ZNF407: variants seen among roughly 807,000 people sequenced by gnomAD.
The protein encoded by ZNF407 is zinc finger protein 407.
Under a neutral mutation model 131.2 loss-of-function variants are expected in ZNF407, and 17 were observed. The observed-to-expected ratio is 0.13, with a 90% CI of 0.09 to 0.19. ZNF407 has a LOEUF of 0.19. Ranked by LOEUF, ZNF407 falls within the 10% of genes least tolerant of loss-of-function variation. ZNF407 has a pLI of 1.00. For missense variants in ZNF407, 2,681 were observed against 2,830.6 expected, an observed-to-expected ratio of 0.95 and a Z score of 1.20; for synonymous variants, 1,156 against 1,062.0, an observed-to-expected ratio of 1.09 and a Z score of -1.72.
intron 8 of ZNF407, among the ~76,000 whole-genome samples, chr18:74,945,409 C>T (rs1039004467): frequency 1.5e-4 from 23 of 152,174 alleles, no homozygotes; most frequent in African/African-American, 5.1e-4. Context: ...TTGTTTTTCC[C>T]TCCCTTGCAG....
intron 3 of ZNF407, among the ~76,000 whole-genome samples, chr18:74,667,112 C>G (rs548419805): frequency 6.6e-6 from 1 of 152,280 alleles, no homozygotes; most frequent in South Asian, 2.1e-4. Flanking sequence ...GTTCAAATGT[C>G]TTGAACTGTT....
chr18:74,837,045 T>C (rs1049846523), intron 4 of ZNF407, among the ~76,000 whole-genome samples: 1 of 152,220 alleles, frequency 6.6e-6, no homozygotes, highest in Non-Finnish European at 1.5e-5. Flanking sequence ...GTCATTTTCC[T>C]GAGGATAAAT....
chr18:74,688,700 T>C (rs1292696107), intron 3 of ZNF407, among the ~76,000 whole-genome samples: 2 of 152,170 alleles, frequency 1.3e-5, no homozygotes, highest in Admixed American at 6.5e-5. Context: ...TTTTTGAAAA[T>C]GTTGTGTGAA....
chr18:74,949,690 CCTTAAAGG>C (rs778001139), intron 8 of ZNF407, among the ~76,000 whole-genome samples: 8 of 151,970 alleles, frequency 5.3e-5, no homozygotes, highest in Non-Finnish European at 1.0e-4. Flanking sequence ...AAGCCTGAAT[CCTTAAAGG>C]TTATTTTTTA....
chr18:74,635,113 A>C lies in ZNF407; in HGVS notation c.4094A>C (p.Asn1365Thr). ...GACTCCTCCATAATAAGAATAAAGAACCCTGAAGATGGTGAGTTGATAGAC... is the reference window on the plus strand; with the variant it reads ...GACTCCTCCATAATAAGAATAAAGACCCCTGAAGATGGTGAGTTGATAGAC... ...RFDSSIIRIK[N>T]PEDGELIDQS... Residue 1365 changes from asparagine to threonine, a missense_variant, in exon 2 of 9, where the codon AAC (asparagine) becomes ACC (threonine). By Grantham distance (65) the Asn-to-Thr change is moderately conservative. Around this residue, in one of 6 missense-constraint regions of ZNF407, gnomAD observed 1,789 missense variants for 1,748.7 expected, o/e 1.02. Coordinates refer to ENST00000299687, the MANE Select transcript of ZNF407 (RefSeq NM_017757.3). This position sits in a 1 kb window ranked among gnomAD's most constrained non-coding sequence, Gnocchi z 4.7. The C allele has an allele frequency of 6.2e-7, 1 of 1,613,876 alleles. No individual in the cohort carries two copies. The highest frequency in any genetic ancestry group is 8.5e-7 in the Non-Finnish European group (1 of 1,179,864).
At chr18:74,994,106 G>A (rs1026927541) in intron 8 of ZNF407, among the ~76,000 whole-genome samples, 1 of 152,190 alleles carries the variant, frequency 6.6e-6, no homozygotes, top group Non-Finnish European at 1.5e-5. Context: ...GAGAATATTA[G>A]TGTATCATTT....
At chr18:75,051,476 CCTGA>C (rs1973500285) in intron 8 of ZNF407, among the ~76,000 whole-genome samples, 2 of 152,138 alleles carry the variant, frequency 1.3e-5, no homozygotes, top group Non-Finnish European at 2.9e-5. Context: ...TCTCCCATTC[CCTGA>C]CTGTCTCTAA....
intron 8 of ZNF407, among the ~76,000 whole-genome samples, chr18:75,055,795 A>G (rs1599314811): frequency 6.6e-6 from 1 of 152,322 alleles, no homozygotes; most frequent in Non-Finnish European, 1.5e-5. Flanking sequence ...TGTCGCACCC[A>G]TGGCAATTAA....
intron 3 of ZNF407, among the ~76,000 whole-genome samples, chr18:74,733,134 T>C (rs1370202413): frequency 1.3e-5 from 2 of 152,078 alleles, no homozygotes; most frequent in East Asian, 3.8e-4. Flanking sequence ...TTTTTCAAGA[T>C]ATAATAAGCA....
chr18:75,043,368 C>T (rs1250884952), intron 8 of ZNF407, among the ~76,000 whole-genome samples: 1 of 152,206 alleles, frequency 6.6e-6, no homozygotes, highest in African/African-American at 2.4e-5. Flanking sequence ...ATGCTCTGGA[C>T]CTGCACAGGT....
intron 7 of ZNF407, among the ~76,000 whole-genome samples, chr18:74,918,663 A>C (rs1971805316): frequency 6.6e-6 from 1 of 152,194 alleles, no homozygotes; most frequent in African/African-American, 2.4e-5. Flanking sequence ...CTTTGCCCAA[A>C]GCAAGTTGAA....
intron 3 of ZNF407, among the ~76,000 whole-genome samples, chr18:74,643,096 G>A (rs1250156684): frequency 2.0e-5 from 3 of 152,062 alleles, no homozygotes; most frequent in Non-Finnish European, 2.9e-5. Flanking sequence ...TATTTCATGT[G>A]TTTCAAAGGG....
chr18:74,651,029 TTA>T (rs1347349245), intron 3 of ZNF407, among the ~76,000 whole-genome samples: 1 of 152,086 alleles, frequency 6.6e-6, no homozygotes, highest in African/African-American at 2.4e-5. Flanking sequence ...ATTTTGGTGT[TTA>T]TGTTACAAAA....
intron 8 of ZNF407, among the ~76,000 whole-genome samples, chr18:74,944,521 G>A (rs1309940398): frequency 1.3e-5 from 2 of 152,034 alleles, no homozygotes; most frequent in South Asian, 2.1e-4. Flanking sequence ...AATGACAGAT[G>A]TTTAACTAAA....
At chr18:74,604,955 C>G (rs911362909) in intron 1 of ZNF407, among the ~76,000 whole-genome samples, 2 of 152,210 alleles carry the variant, frequency 1.3e-5, no homozygotes, top group Non-Finnish European at 1.5e-5. Flanking sequence ...GCCATTCTTA[C>G]AGTAAGCAGT....
chr18:74,605,625 A>G (rs1329024225), intron 1 of ZNF407, among the ~76,000 whole-genome samples: 1 of 152,248 alleles, frequency 6.6e-6, no homozygotes, highest in Non-Finnish European at 1.5e-5. Context: ...CCAGCACAGC[A>G]GTTGTTACCC....
intron 8 of ZNF407, among the ~76,000 whole-genome samples, chr18:75,012,077 A>C (rs184837424): frequency 3.3e-5 from 5 of 152,286 alleles, no homozygotes; most frequent in Admixed American, 3.3e-4. Flanking sequence ...ATATTAAAGT[A>C]AACCTGTAAC....
intron 1 of ZNF407, among the ~76,000 whole-genome samples, chr18:74,616,300 T>C (rs1412419875): frequency 6.6e-6 from 1 of 152,228 alleles, no homozygotes; most frequent in Admixed American, 6.5e-5. Context: ...TACAGAGACA[T>C]AGCTGTACTA....
intron 8 of ZNF407, among the ~76,000 whole-genome samples, chr18:75,002,759 C>T (rs1380907702): frequency 2.7e-5 from 4 of 148,266 alleles, no homozygotes; most frequent in Non-Finnish European, 4.4e-5. Context: ...GAGCCGAGAT[C>T]GCGCCACTGC....
Sources: allele counts gnomAD v4.1 joint callset (sites outside exome capture counted in the v4.1 genomes callset), GRCh38; gene constraint gnomAD v4.1.1; regional missense constraint gnomAD v4.1.1; non-coding constraint Gnocchi (gnomAD v3.1); transcripts MANE v1.5; gene names NCBI Gene and HGNC (gene_info 2026-07-23, HGNC 2026-07-21).